Variants in ADAD1 observed in about 807,000 individuals in gnomAD.
The protein encoded by ADAD1 is adenosine deaminase domain containing 1, also known as adenosine deaminase domain-containing protein 1.
In ADAD1, 46 loss-of-function variants were observed where a neutral mutation model predicts 66.8. That is an observed-to-expected ratio of 0.69 (90% confidence interval 0.54 to 0.88). ADAD1 has a LOEUF of 0.88. ADAD1 is among the 40% of genes least tolerant of loss of function. The probability of loss-of-function intolerance (pLI) is 0.00; values close to 1 mark genes in which losing one functional copy is unlikely to be tolerated. For missense variants in ADAD1, 617 were observed against 681.8 expected, an observed-to-expected ratio of 0.91 and a Z score of 1.06; for synonymous variants, 248 against 229.4, an observed-to-expected ratio of 1.08 and a Z score of -0.73.
At chr4:122,411,429 G>C in intron 9 of ADAD1, 37 bp downstream of exon 9, 1 of 1,564,162 alleles carries the variant, frequency 6.4e-7, no homozygotes, top group Non-Finnish European at 8.7e-7. Context: ...AAGCAAGTAG[G>C]ATGGCCATGC....
Position 122,408,815 on chromosome 4 carries a change from C to T in ADAD1, c.848+784C>T, listed in dbSNP as rs114748700. Among the ~76,000 whole-genome samples the T allele has an allele frequency of 8.8e-3, 1,334 of 151,824 alleles. 11 individuals carry two copies. Among genetic ancestry groups the T allele is most frequent in the Non-Finnish European group, 0.015 (1,053 of 67,984 alleles). On this transcript the variant is annotated intron_variant, in intron 8 of 12. Coordinates refer to ENST00000296513, the MANE Select transcript of ADAD1 (RefSeq NM_139243.4). ...GGAGGATTGATTGAGCCCAGAAAAT[C>T]GAGGTTGCAGTGAACCAAGACTGCT...
chr4:122,414,520 G>C (rs2150586329), intron 10 of ADAD1, among the ~76,000 whole-genome samples: 1 of 151,986 alleles, frequency 6.6e-6, no homozygotes, highest in African/African-American at 2.4e-5. Flanking sequence ...TTTAGAAAAA[G>C]GATACCAAAA....
At chr4:122,420,763 A>G (rs1341339463) in intron 11 of ADAD1, among the ~76,000 whole-genome samples, 3 of 152,240 alleles carry the variant, frequency 2.0e-5, no homozygotes, top group Non-Finnish European at 2.9e-5. Flanking sequence ...CTACATGCAC[A>G]TAATATACAC....
intron 8 of ADAD1, among the ~76,000 whole-genome samples, chr4:122,409,288 C>T (rs1045408862): frequency 1.3e-5 from 2 of 152,122 alleles, no homozygotes; most frequent in Non-Finnish European, 2.9e-5. Context: ...ATGAGTGCTA[C>T]TTCTCATAAT....
intron 7 of ADAD1, among the ~76,000 whole-genome samples, chr4:122,403,452 G>C (rs1796065640): frequency 6.6e-6 from 1 of 152,142 alleles, no homozygotes; most frequent in Non-Finnish European, 1.5e-5. Context: ...TTAGTGTGCT[G>C]GTTTTCTCAA....
chr4:122,384,262 T>C (rs76767410), intron 5 of ADAD1, among the ~76,000 whole-genome samples: 3,325 of 152,294 alleles, frequency 0.022, 58 homozygotes, highest in Non-Finnish European at 0.036. Context: ...TAGATTCTTA[T>C]TATGAATGTA....
At chr4:122,428,546 A>G (rs1241501338) in intron 12 of ADAD1, among the ~76,000 whole-genome samples, 4 of 152,228 alleles carry the variant, frequency 2.6e-5, no homozygotes, top group Admixed American at 2.0e-4. Flanking sequence ...TACCCCTACA[A>G]TGGAATATTA....
intron 11 of ADAD1, 108 bp downstream of exon 11, chr4:122,415,724 A>G: frequency 1.0e-6 from 1 of 958,278 alleles, no homozygotes; most frequent in Non-Finnish European, 1.6e-6. Context: ...AACTCTGAAC[A>G]ATAATTATTA....
intron 6 of ADAD1, among the ~76,000 whole-genome samples, chr4:122,393,939 G>C (rs1358259776): frequency 1.3e-5 from 2 of 152,130 alleles, no homozygotes; most frequent in East Asian, 3.9e-4. Flanking sequence ...TGGTGGGCTT[G>C]TCATGAACGA....
In ADAD1 at chr4:122,390,836, C is replaced by G. The variant is rs182079266; in HGVS notation, c.530-2753C>G. On this transcript the variant is annotated intron_variant, in intron 5 of 12. Transcript: ENST00000296513. ...TTAGCTCAGCGAAGTTTTTTGTTAC[C>G]CATCTTCTGAATCCTACTTCTGTCA... is the stretch of plus-strand genomic sequence containing the variant. Among the ~76,000 whole-genome samples, 73 of 152,252 alleles carry G rather than the reference C, an allele frequency of 4.8e-4. No individual in the cohort carries two copies. The East Asian group carries it at 0.012, about 24-fold the overall frequency.
chr4:122,404,790 C>A (rs1796133718), intron 7 of ADAD1, among the ~76,000 whole-genome samples: 1 of 152,030 alleles, frequency 6.6e-6, no homozygotes, highest in Non-Finnish European at 1.5e-5. Flanking sequence ...CCTTCCCTCC[C>A]CTGCCACCAA....
intron 12 of ADAD1, among the ~76,000 whole-genome samples, chr4:122,426,360 A>T (rs911778415): frequency 6.6e-6 from 1 of 152,138 alleles, no homozygotes; most frequent in Non-Finnish European, 1.5e-5. Context: ...CCTAAAGAAA[A>T]TCTCAGACAC....
At chr4:122,427,170 T>A (rs926200644) in intron 12 of ADAD1, among the ~76,000 whole-genome samples, 1 of 152,196 alleles carries the variant, frequency 6.6e-6, no homozygotes. Flanking sequence ...AAAAATAAAT[T>A]GTTTATATAC....
chr4:122,404,292 C>T (rs542465640), intron 7 of ADAD1, among the ~76,000 whole-genome samples: 2 of 152,280 alleles, frequency 1.3e-5, no homozygotes, highest in South Asian at 4.1e-4. Flanking sequence ...CCACTGGCTG[C>T]GTTACTCAAG....
At chr4:122,422,925 C>G (rs1011261792) in intron 12 of ADAD1, among the ~76,000 whole-genome samples, 5 of 140,500 alleles carry the variant, frequency 3.6e-5, no homozygotes, top group African/African-American at 1.4e-4. Flanking sequence ...GCACTTCAGC[C>G]TGGGGGACAG....
At chr4:122,429,521 T>G (rs1476246567) in intron 12 of ADAD1, 105 bp from the exon 13 acceptor site, 1 of 637,182 alleles carries the variant, frequency 1.6e-6, no homozygotes, top group Admixed American at 3.0e-5. Flanking sequence ...AAAAAGACTT[T>G]GATTAACTTT....
intron 12 of ADAD1, among the ~76,000 whole-genome samples, chr4:122,425,575 T>C (rs569003846): frequency 8.7e-5 from 13 of 150,114 alleles, no homozygotes; most frequent in Non-Finnish European, 1.8e-4. Flanking sequence ...CAACTATGGA[T>C]CGAAAATATT....
chr4:122,422,058 G>T (rs1448328606), intron 12 of ADAD1, among the ~76,000 whole-genome samples: 1 of 151,328 alleles, frequency 6.6e-6, no homozygotes. Flanking sequence ...TAAAAATAAG[G>T]CCATATTGGG....
At chr4:122,408,171 G>T in intron 8 of ADAD1, 140 bp downstream of exon 8, 3 of 873,106 alleles carry the variant, frequency 3.4e-6, no homozygotes, top group Non-Finnish European at 4.9e-6. Flanking sequence ...TAAGTCATCG[G>T]ATTAATTCCA....
Sources: allele counts gnomAD v4.1 joint callset (sites outside exome capture counted in the v4.1 genomes callset), GRCh38; gene constraint gnomAD v4.1.1; transcripts MANE v1.5; gene names NCBI Gene and HGNC (gene_info 2026-07-23, HGNC 2026-07-21).